SCART1: variants seen among roughly 807,000 people sequenced by gnomAD.
SCART1 encodes the protein scavenger receptor family member expressed on T cells 1.
SCART1 carries 62 observed loss-of-function variants against 36.2 expected under a neutral mutation model. The ratio of observed to expected loss-of-function variants is 1.71; its 90% CI spans 1.40 to 2.12. The LOEUF (loss-of-function observed/expected upper bound fraction) is 2.12. Ranked by LOEUF, SCART1 falls within the 30% of genes most tolerant of loss-of-function variation. The probability of loss-of-function intolerance (pLI) is 0.00; values close to 1 mark genes in which losing one functional copy is unlikely to be tolerated. For missense variants in SCART1, 1,041 were observed against 540.5 expected (o/e 1.93, Z -9.18); for synonymous variants, 487 against 238.7 (o/e 2.04, Z -9.59).
exon 6 of SCART1, chr10:133,460,002 CGCGCCCTGA>C: frequency 1.9e-6 from 1 of 531,426 alleles, no homozygotes; most frequent in Non-Finnish European, 3.3e-6. Flanking sequence ...GGGCTGTGGC[CGCGCCCTGA>C]GCGCCCTGGG....
At chr10:133,460,094 G>T (rs947614263) in exon 6 of SCART1, 12 of 520,604 alleles carry the variant, frequency 2.3e-5, no homozygotes, top group Admixed American at 4.0e-5. Flanking sequence ...ACGAGTCTGC[G>T]CTGTGGCAGT....
At chr10:133,467,476 C>A (rs1457515370) in intron 11 of SCART1, 123 bp downstream of exon 11, 11 of 603,006 alleles carry the variant, frequency 1.8e-5, no homozygotes, top group Non-Finnish European at 3.0e-5. Flanking sequence ...GACCACAGGG[C>A]TCATGGATGC....
At chr10:133,462,158 G>T (rs1850710381) in intron 6 of SCART1, among the ~76,000 whole-genome samples, 1 of 152,238 alleles carries the variant, frequency 6.6e-6, no homozygotes, top group Admixed American at 6.5e-5. Context: ...CCACGTGTGG[G>T]CAGGTGGACA....
intron 11 of SCART1, 84 bp downstream of exon 11, chr10:133,467,437 C>G: frequency 1.6e-6 from 1 of 623,396 alleles, no homozygotes; most frequent in Non-Finnish European, 2.9e-6. Flanking sequence ...GGGACTCTGA[C>G]CACAGGAGCC....
At chr10:133,467,161 T>C (rs7084477) in intron 10 of SCART1, 37 bp from the exon 11 acceptor site, 30,313 of 655,916 alleles carry the variant, frequency 0.046, 996 homozygotes, top group East Asian at 0.15. Context: ...ACATCCACAC[T>C]GAGGGCCTGT....
At chr10:133,457,476 G>A in exon 3 of SCART1, 2 of 702,750 alleles carry the variant, frequency 2.8e-6, no homozygotes, top group Non-Finnish European at 5.2e-6. Flanking sequence ...GAAGTACCTG[G>A]CCTGCAGGGG....
At chr10:133,468,474 C>A (rs1850786892) in exon 12 of SCART1, 1 of 152,314 alleles carries the variant, frequency 6.6e-6, no homozygotes, top group South Asian at 2.1e-4. Context: ...ATCTCTTTTT[C>A]TGTGCCTTAT....
chr10:133,456,699 C>T, intron 2 of SCART1, 145 bp downstream of exon 2: 1 of 579,630 alleles, frequency 1.7e-6, no homozygotes, highest in South Asian at 2.3e-5. Flanking sequence ...GGAGCTCTCT[C>T]TGGGAGGGGC....
chr10:133,456,197 G>A (rs1184472359), intron 1 of SCART1, 40 bp from the exon 2 acceptor site: 2 of 680,848 alleles, frequency 2.9e-6, no homozygotes, highest in African/African-American at 1.8e-5. Flanking sequence ...TGCGCCTCTG[G>A]TTGGTTCTGG....
chr10:133,459,535 G>A, exon 6 of SCART1: 2 of 680,774 alleles, frequency 2.9e-6, no homozygotes, highest in African/African-American at 1.8e-5. Flanking sequence ...CGCTGTGACG[G>A]CCGCGTGGAG....
intron 3 of SCART1, 21 bp from the exon 4 acceptor site, chr10:133,458,339 T>C (rs1386728013): frequency 2.8e-6 from 2 of 702,370 alleles, no homozygotes; most frequent in African/African-American, 1.7e-5. Flanking sequence ...GTCTCCTGCC[T>C]GAGAGGACGT....
At chr10:133,459,424 C>CT (rs908841488) in intron 5 of SCART1, 63 bp from the exon 6 acceptor site, 1 of 616,088 alleles carries the variant, frequency 1.6e-6, no homozygotes. Flanking sequence ...ACGGGCCCTG[C>CT]TGGGGGGTGG....
At chr10:133,460,773 A>C (rs1406391699) in intron 6 of SCART1, among the ~76,000 whole-genome samples, 1 of 149,954 alleles carries the variant, frequency 6.7e-6, no homozygotes, top group African/African-American at 2.5e-5. Flanking sequence ...TTTTGACAAG[A>C]TCTTGGTCAG....
intron 3 of SCART1, chr10:133,457,869 A>G (rs1850638980): frequency 1.8e-6 from 1 of 541,938 alleles, no homozygotes; most frequent in Non-Finnish European, 3.3e-6. Flanking sequence ...CTGCATGTCT[A>G]ACATGGATCG....
intron 6 of SCART1, among the ~76,000 whole-genome samples, chr10:133,460,500 T>TTTTA (rs1850688100): frequency 7.4e-6 from 1 of 134,690 alleles, no homozygotes; most frequent in South Asian, 2.6e-4. Context: ...TTATATATTT[T>TTTTA]AAAAAATATT....
intron 9 of SCART1, chr10:133,466,000 G>A: frequency 6.0e-6 from 4 of 671,080 alleles, no homozygotes; most frequent in South Asian, 4.7e-5. Context: ...CTGCCTGGGG[G>A]CCATGTTTTA....
chr10:133,465,258 C>A (rs1158272252), exon 9 of SCART1: 2 of 693,880 alleles, frequency 2.9e-6, no homozygotes, highest in Middle Eastern at 2.3e-4. Context: ...CAGAGGAGGG[C>A]GCACTGCGCG....
At chr10:133,463,001 A>G (rs540619215) in intron 6 of SCART1, among the ~76,000 whole-genome samples, 44 of 152,312 alleles carry the variant, frequency 2.9e-4, no homozygotes, top group African/African-American at 9.6e-4. Flanking sequence ...ATCAGATGCA[A>G]TTCATACCCA....
rs527777475 is a variant in SCART1 at position 133,454,041 on chromosome 10, T to C, written c.44T>C (p.Leu15Pro). 41 of 703,006 alleles carry C rather than the reference T, an allele frequency of 5.8e-5. 1 individual carries two copies. The highest frequency in any genetic ancestry group is 5.0e-4 in the South Asian group (34 of 67,602). 43.5% of individuals were successfully genotyped at this position (703,006 alleles called of 1,614,324 possible). A position where few individuals can be genotyped will look rare whatever the true frequency, so the allele number is the denominator to read the frequency against. Residue 15 changes from leucine to proline, a missense_variant, in exon 1 of 12, where the codon CTG (leucine) becomes CCG (proline). Physicochemically the swap from Leu to Pro is moderately conservative, Grantham distance 98 (BLOSUM62 -3). Coordinates refer to ENST00000640237, the Ensembl canonical transcript of SCART1. ...ACCCTGGGACTCGGGCCCCTTCTTC[T>C]GAATCTCTGGGCAGTCCCCATTGGT...
Sources: gnomAD v4.1 joint callset for allele counts (sites outside exome capture counted in the v4.1 genomes callset) on GRCh38, gnomAD v4.1.1 for gene constraint, MANE v1.5 for transcripts, NCBI Gene and HGNC (gene_info 2026-07-23, HGNC 2026-07-21) for gene names.